POLE4: variants seen among roughly 807,000 people sequenced by gnomAD.
The protein encoded by POLE4 is DNA polymerase epsilon subunit 4.
Under a neutral mutation model 15.6 loss-of-function variants are expected in POLE4, and 15 were observed. The ratio of observed to expected loss-of-function variants is 0.96; its 90% CI spans 0.64 to 1.48. The LOEUF is 1.48. Ranked by LOEUF, POLE4 falls within the 40% of genes most tolerant of loss-of-function variation. The pLI is 0.00. For synonymous variants in POLE4, 83 were observed against 63.2 expected (o/e 1.31, Z -1.49); for missense variants, 205 against 151.9 (o/e 1.35, Z -1.84).
intron 3 of POLE4, among the ~76,000 whole-genome samples, chr2:74,964,849 C>T (rs1671273844): frequency 6.6e-6 from 1 of 151,482 alleles, no homozygotes; most frequent in African/African-American, 2.4e-5. Context: ...TTTTTCTTGC[C>T]CTACTGAACT....
intron 3 of POLE4, among the ~76,000 whole-genome samples, chr2:74,968,798 G>C (rs1035493314): frequency 2.0e-5 from 3 of 151,736 alleles, no homozygotes; most frequent in Admixed American, 6.6e-5. Context: ...GCTTCCTCAT[G>C]GTTCTTTTAG....
At chr2:74,959,900 C>T in intron 2 of POLE4, 2 of 564,562 alleles carry the variant, frequency 3.5e-6, no homozygotes, top group Non-Finnish European at 6.3e-6. Context: ...TTTGCCTATG[C>T]TTTTCTTAAC....
Position 74,958,667 on chromosome 2 carries a change from G to T in POLE4, c.-13G>T, listed in dbSNP as rs1158421667. 2 of 1,420,612 alleles carry T rather than the reference G, an allele frequency of 1.4e-6. No homozygotes were observed. Among genetic ancestry groups the T allele is most frequent in the Non-Finnish European group, 1.8e-6 (2 of 1,094,514 alleles). The allele number at this position is 1,420,612 out of a possible 1,614,324, so 88.0% of individuals were successfully genotyped here. A position where few individuals can be genotyped will look rare whatever the true frequency, so the allele number is the denominator to read the frequency against. ...CACAGTCGGCGGCCGCGCGCAGCACGCTCAAGGCCGGGATGGCGGCGGCGG... is the reference window on the plus strand; with the variant it reads ...CACAGTCGGCGGCCGCGCGCAGCACTCTCAAGGCCGGGATGGCGGCGGCGG... On this transcript the variant is annotated 5_prime_UTR_variant, in exon 1 of 4. Transcript: ENST00000483063.
intron 1 of POLE4, 104 bp from the exon 2 acceptor site, chr2:74,959,237 C>A: frequency 1.4e-6 from 1 of 695,248 alleles, no homozygotes; most frequent in Non-Finnish European, 2.5e-6. Context: ...ATTTTCTTGC[C>A]CCGAGCCTTT....
intron 3 of POLE4, among the ~76,000 whole-genome samples, chr2:74,966,817 G>A (rs1671302711): frequency 6.6e-6 from 1 of 151,894 alleles, no homozygotes; most frequent in Admixed American, 6.6e-5. Flanking sequence ...TTTTTCTTAT[G>A]AAAATGCCTT....
At chr2:74,960,341 A>G (rs2103673256) in intron 3 of POLE4, 195 bp downstream of exon 3, 1 of 598,330 alleles carries the variant, frequency 1.7e-6, no homozygotes, top group East Asian at 2.8e-5. Context: ...TAAAATTTCT[A>G]CCTGAAAATT....
rs77954588 is a variant in POLE4 at position 74,960,154 on chromosome 2, C to A, written c.340+8C>A. The A allele has an allele frequency of 6.8e-6, 11 of 1,608,060 alleles. No homozygotes were observed. The South Asian group carries it at 1.1e-4, about 16-fold the overall frequency. The stretch of plus-strand genomic sequence containing the variant: ...AATTTGCTTTTCTGGAAGGTGAGTT[C>A]CCTCTCAGTGGGCAATCATTTCCGC... On this transcript the variant is annotated splice_region_variant and intron_variant, in intron 3 of 3. Transcript: ENST00000483063.
At chr2:74,959,220 C>T in intron 1 of POLE4, 121 bp from the exon 2 acceptor site, 3 of 656,018 alleles carry the variant, frequency 4.6e-6, no homozygotes, top group Admixed American at 5.5e-5. Context: ...ATCTTAGCTT[C>T]CAGAACATTT....
At chr2:74,960,324 G>A in intron 3 of POLE4, 178 bp downstream of exon 3, 3 of 613,176 alleles carry the variant, frequency 4.9e-6, no homozygotes, top group Non-Finnish European at 8.8e-6. Context: ...TTTCTCCCTT[G>A]GGGAATTAAA....
chr2:74,967,351 A>G (rs1352818237), intron 3 of POLE4, among the ~76,000 whole-genome samples: 1 of 125,920 alleles, frequency 7.9e-6, no homozygotes, highest in African/African-American at 3.0e-5. Context: ...CAGTTTTTGT[A>G]TTTTTCAGTA....
At chr2:74,967,091 T>G (rs1671308127) in intron 3 of POLE4, among the ~76,000 whole-genome samples, 1 of 152,202 alleles carries the variant, frequency 6.6e-6, no homozygotes. Flanking sequence ...TGTTTGAGCT[T>G]CTTGAATCTA....
chr2:74,961,444 A>G (rs1671219331), intron 3 of POLE4: 1 of 152,180 alleles, frequency 6.6e-6, no homozygotes, highest in Non-Finnish European at 1.5e-5. Context: ...AGTCCTACCT[A>G]AGGCAGGCAC....
intron 3 of POLE4, among the ~76,000 whole-genome samples, chr2:74,963,769 T>C (rs375184644): frequency 6.6e-6 from 1 of 152,166 alleles, no homozygotes; most frequent in East Asian, 1.9e-4. Context: ...GGATTACAGG[T>C]GTGAGCCACT....
At chr2:74,961,863 G>A (rs936475610) in intron 3 of POLE4, among the ~76,000 whole-genome samples, 4 of 152,118 alleles carry the variant, frequency 2.6e-5, no homozygotes, top group African/African-American at 4.8e-5. Context: ...ATTTTTTACT[G>A]GGTAAAATAA....
intron 3 of POLE4, among the ~76,000 whole-genome samples, chr2:74,967,183 G>GTC (rs1458574238): frequency 4.6e-5 from 7 of 151,910 alleles, no homozygotes; most frequent in African/African-American, 1.7e-4. Flanking sequence ...TCTTTCCTGT[G>GTC]TCTCTCTCTG....
intron 3 of POLE4, among the ~76,000 whole-genome samples, chr2:74,964,348 T>C (rs1393366265): frequency 6.6e-6 from 1 of 152,206 alleles, no homozygotes; most frequent in African/African-American, 2.4e-5. Context: ...TTTTAGAATC[T>C]GTCAAATTCC....
rs769953562 is a variant in POLE4 at position 74,958,884 on chromosome 2, C to G, written c.205C>G (p.Arg69Gly). 2.6e-5 allele frequency: 40 copies of G among 1,555,254 alleles called. No homozygotes were observed. The highest frequency in any genetic ancestry group is 3.2e-5 in the Non-Finnish European group (37 of 1,149,378). The change falls in exon 1 of 4, where the codon CGA becomes GGA. Residue 69 changes from arginine to glycine, a missense_variant. Coordinates refer to ENST00000483063, the MANE Select transcript of POLE4 (RefSeq NM_019896.4). ...AGQEAIFILA[R>G]AAELFVETIA... Reference sequence around the variant, plus strand: ...ACAGGAAGCCATCTTCATTCTGGCACGAGCCGCGGTGCGCCTGCAGCGCGA... The same window carrying G: ...ACAGGAAGCCATCTTCATTCTGGCAGGAGCCGCGGTGCGCCTGCAGCGCGA...
intron 3 of POLE4, among the ~76,000 whole-genome samples, chr2:74,964,657 C>A (rs1298961270): frequency 2.6e-5 from 4 of 152,006 alleles, no homozygotes; most frequent in African/African-American, 4.8e-5. Flanking sequence ...AATTTTGCAA[C>A]TAGCATCTTT....
At position 74,958,645 on chromosome 2, in the gene POLE4, A is replaced by C. The variant is rs999957096; in HGVS notation, c.-35A>C. ...GGGCCTGCGCCGCATGCGCGCGCAC[A>C]GTCGGCGGCCGCGCGCAGCACGCTC... On this transcript the variant is annotated 5_prime_UTR_variant, in exon 1 of 4. Coordinates refer to ENST00000483063, the MANE Select transcript of POLE4 (RefSeq NM_019896.4). 51 of 1,376,060 alleles carry C rather than the reference A, an allele frequency of 3.7e-5. No homozygotes were observed. Among genetic ancestry groups the C allele is most frequent in the Non-Finnish European group, 4.6e-5 (49 of 1,068,120 alleles). 85.2% of individuals were successfully genotyped at this position (1,376,060 alleles called of 1,614,324 possible). A position where few individuals can be genotyped will look rare whatever the true frequency, so the allele number is the denominator to read the frequency against.
Sources: allele counts gnomAD v4.1 joint callset (sites outside exome capture counted in the v4.1 genomes callset), GRCh38; gene constraint gnomAD v4.1.1; transcripts MANE v1.5; gene names NCBI Gene and HGNC (gene_info 2026-07-23, HGNC 2026-07-21).